The following MYH11 variants were observed in gnomAD, a reference collection of about 807,000 sequenced individuals.
MYH11 encodes the protein myosin-11.
MYH11 carries 80 observed loss-of-function variants against 246.6 expected under a neutral mutation model. The observed-to-expected ratio is 0.32, with a 90% CI of 0.27 to 0.39. The LOEUF (loss-of-function observed/expected upper bound fraction) is 0.39, where lower values mean the gene tolerates loss of function less well. Ranked by LOEUF, MYH11 falls within the 10% of genes least tolerant of loss-of-function variation. MYH11 has a pLI of 1.00. For synonymous variants in MYH11, 1,071 were observed against 1,015.5 expected, an observed-to-expected ratio of 1.05 and a Z score of -1.04; for missense variants, 2,158 against 2,546.8, an observed-to-expected ratio of 0.85 and a Z score of 3.29.
intron 12 of MYH11, among the ~76,000 whole-genome samples, chr16:15,758,202 C>T (rs1432371228): frequency 6.6e-6 from 1 of 152,156 alleles, no homozygotes; most frequent in Non-Finnish European, 1.5e-5. Context: ...TCACATGGCC[C>T]TCACACACCT....
intron 3 of MYH11, among the ~76,000 whole-genome samples, chr16:15,808,313 C>T (rs1448673716): frequency 1.3e-5 from 2 of 152,156 alleles, no homozygotes; most frequent in East Asian, 3.9e-4. Flanking sequence ...ACCGAATCAC[C>T]CTTGTAACAA....
intron 10 of MYH11, 47 bp downstream of exon 10, chr16:15,763,749 C>CCCCCCCCCCCCCAAA: frequency 1.4e-6 from 1 of 726,032 alleles, no homozygotes; most frequent in East Asian, 2.7e-5. Flanking sequence ...CCTCCCCCAC[C>CCCCCCCCCCCCCAAA]CCCCCAACCC....
intron 4 of MYH11, chr16:15,792,392 T>C (rs1297270415): frequency 6.6e-6 from 1 of 152,208 alleles, no homozygotes; most frequent in African/African-American, 2.4e-5. Context: ...AAGTTATATA[T>C]TGTTTGTATA....
chr16:15,830,449 C>A (rs772478396), intron 2 of MYH11, among the ~76,000 whole-genome samples: 1 of 152,088 alleles, frequency 6.6e-6, no homozygotes, highest in African/African-American at 2.4e-5. Context: ...GTGCAGTGGC[C>A]CTCTCTCTAC....
intron 1 of MYH11, among the ~76,000 whole-genome samples, chr16:15,843,660 G>A (rs527251700): frequency 1.3e-5 from 2 of 149,404 alleles, no homozygotes; most frequent in Admixed American, 6.7e-5. Context: ...GAGATGCGCC[G>A]CTGCACTCCA....
In MYH11 at chr16:15,750,361, C is replaced by G. The variant is rs1216397417; in HGVS notation, c.1865-30G>C. On this transcript the variant is annotated intron_variant, in intron 15 of 40. Coordinates refer to ENST00000300036, the MANE Select transcript of MYH11 (RefSeq NM_002474.3). The surrounding 1 kb of genome is among the most constrained non-coding windows in gnomAD (Gnocchi z 4.3). ...GGGGCACAGCCAGGGTGGCATCAGC[C>G]TCTGGCCCACCCACCCCTAAATAGG... The G allele has an allele frequency of 6.4e-7, 1 of 1,561,106 alleles. No individual in the cohort carries two copies. Among genetic ancestry groups the G allele is most frequent in the East Asian group, 2.4e-5 (1 of 42,298 alleles).
chr16:15,735,685 T>A, intron 25 of MYH11, 107 bp from the exon 26 acceptor site: 3 of 1,005,658 alleles, frequency 3.0e-6, no homozygotes, highest in Non-Finnish European at 4.7e-6. Context: ...TGCAGAGACA[T>A]CAAACACCTT....
intron 3 of MYH11, among the ~76,000 whole-genome samples, chr16:15,816,377 C>T (rs1424207169): frequency 2.6e-5 from 4 of 151,474 alleles, no homozygotes; most frequent in Non-Finnish European, 1.5e-5. Flanking sequence ...GATTTTGGGG[C>T]AGAATTGGTG....
intron 40 of MYH11, among the ~76,000 whole-genome samples, chr16:15,711,917 T>A (rs2039821165): frequency 6.6e-6 from 1 of 152,194 alleles, no homozygotes; most frequent in South Asian, 2.1e-4. Context: ...GGCCTTGAAC[T>A]CCTGACCTCA....
chr16:15,724,832 C>T, intron 29 of MYH11, 33 bp from the exon 30 acceptor site: 3 of 1,613,684 alleles, frequency 1.9e-6, no homozygotes, highest in Non-Finnish European at 2.5e-6. Flanking sequence ...TCCCAGGGAC[C>T]TGCCCCGAGG....
intron 7 of MYH11, among the ~76,000 whole-genome samples, chr16:15,777,517 A>C (rs1033682612): frequency 2.0e-5 from 3 of 152,156 alleles, no homozygotes; most frequent in Non-Finnish European, 4.4e-5. Flanking sequence ...GGCTGAGGCC[A>C]GAAGGACGGG....
At chr16:15,723,652 A>G (rs2040599227) in intron 31 of MYH11, among the ~76,000 whole-genome samples, 1 of 152,134 alleles carries the variant, frequency 6.6e-6, no homozygotes. Flanking sequence ...TCTCAAAATA[A>G]GTATCTGATA....
chr16:15,775,938 G>C, intron 8 of MYH11, 140 bp downstream of exon 8: 1 of 751,202 alleles, frequency 1.3e-6, no homozygotes, highest in Non-Finnish European at 2.4e-6. Context: ...AGGAGATGAA[G>C]AACTGTTCAT....
At position 15,838,247 on chromosome 16, in the gene MYH11, C is replaced by A. The variant is rs762011909; in HGVS notation, c.6G>T (p.Ala2=). The A allele has an allele frequency of 3.7e-6, 6 of 1,613,904 alleles. No homozygotes were observed. The African/African-American group carries it at 8.0e-5, about 22-fold the overall frequency. M[A]QKGQLSDDEK... ...CATCGTCACTGAGTTGGCCCTTCTG[C>A]GCCATGGTGCCTTGTTGGTCCCCTG... Residue 2 remains alanine (A), a synonymous_variant, in exon 2 of 41, where the codon GCG becomes GCT. Transcript: ENST00000300036.
intron 22 of MYH11, among the ~76,000 whole-genome samples, chr16:15,740,596 G>A (rs528175461): frequency 4.9e-4 from 73 of 150,010 alleles, no homozygotes; most frequent in Non-Finnish European, 6.7e-4. Context: ...AGGCAAGAGA[G>A]TGAGACTCTG....
Position 15,763,751 on chromosome 16 carries a change from C to T in MYH11, c.1129+45G>A, listed in dbSNP as rs765741815. 6 of 784,824 alleles carry T rather than the reference C, an allele frequency of 7.6e-6. No homozygotes were observed. The East Asian group carries it at 7.8e-5, about 10-fold the overall frequency. 48.6% of individuals were successfully genotyped at this position (784,824 alleles called of 1,614,324 possible). The stretch of plus-strand genomic sequence containing the variant: ...TGGTTAAATGTCACCTCCCCCACCC[C>T]CCCAACCCCAAAGTCATTGGTCATC... On this transcript the variant is annotated intron_variant, in intron 10 of 40. Transcript: ENST00000300036.
intron 5 of MYH11, chr16:15,786,364 G>A: frequency 1.6e-6 from 1 of 614,648 alleles, no homozygotes; most frequent in Non-Finnish European, 3.0e-6. Context: ...CGACGTGGAG[G>A]AAGATCTCGC....
At chr16:15,745,305 C>T in intron 19 of MYH11, 68 bp from the exon 20 acceptor site, 2 of 1,113,594 alleles carry the variant, frequency 1.8e-6, no homozygotes, top group Non-Finnish European at 2.7e-6. Context: ...GAGCCCTGCC[C>T]TGCAGCATCC....
chr16:15,778,364 G>A (rs886498555), intron 7 of MYH11, among the ~76,000 whole-genome samples: 3 of 152,180 alleles, frequency 2.0e-5, no homozygotes, highest in Non-Finnish European at 2.9e-5. Context: ...AAGATCATAC[G>A]ATAGACACTA....
Sources: gnomAD v4.1 joint callset for allele counts (sites outside exome capture counted in the v4.1 genomes callset) on GRCh38, gnomAD v4.1.1 for gene constraint, Gnocchi (gnomAD v3.1) non-coding constraint, MANE v1.5 for transcripts, NCBI Gene and HGNC (gene_info 2026-07-23, HGNC 2026-07-21) for gene names.